AUTS2: variants seen among roughly 807,000 people sequenced by gnomAD.
The protein encoded by AUTS2 is activator of transcription and developmental regulator AUTS2.
AUTS2 carries 17 observed loss-of-function variants against 112.4 expected under a neutral mutation model. The observed-to-expected ratio is 0.15, with a 90% CI of 0.10 to 0.23. AUTS2 has a LOEUF of 0.23. Among genes scored for constraint, AUTS2 ranks in the 10% least tolerant of loss-of-function variants. The pLI is 1.00. For synonymous variants in AUTS2, 751 were observed against 702.7 expected (o/e 1.07, Z -1.09); for missense variants, 1,510 against 1,701.6 (o/e 0.89, Z 1.98).
chr7:70,691,874 A>AT (rs34314079), intron 5 of AUTS2, among the ~76,000 whole-genome samples: 17,811 of 131,746 alleles, frequency 0.14, 1,477 homozygotes, highest in African/African-American at 0.18. Context: ...ATTGATGACA[A>AT]TTTTTTTTTT....
intron 6 of AUTS2, among the ~76,000 whole-genome samples, chr7:70,749,530 C>T (rs1788670908): frequency 6.6e-6 from 1 of 152,150 alleles, no homozygotes; most frequent in African/African-American, 2.4e-5. Context: ...AAAAAAATGT[C>T]AAAGTCCTCT....
intron 3 of AUTS2, among the ~76,000 whole-genome samples, chr7:70,125,084 T>G (rs1394638461): frequency 6.6e-6 from 1 of 152,236 alleles, no homozygotes; most frequent in Non-Finnish European, 1.5e-5. Flanking sequence ...TTCTATTGGT[T>G]GTTTTTTCTC....
At chr7:70,410,975 T>C (rs377633601) in intron 4 of AUTS2, among the ~76,000 whole-genome samples, 111 of 152,042 alleles carry the variant, frequency 7.3e-4, no homozygotes, top group African/African-American at 2.6e-3. Context: ...GTGATTTTCC[T>C]GCCTCAGCCT....
chr7:69,945,946 C>T (rs1796793755), intron 2 of AUTS2, among the ~76,000 whole-genome samples: 1 of 152,146 alleles, frequency 6.6e-6, no homozygotes, highest in South Asian at 2.1e-4. Context: ...AAGCAATCTT[C>T]CCACCTCAGC....
chr7:70,588,396 G>A (rs1232470396), intron 5 of AUTS2, among the ~76,000 whole-genome samples: 4 of 152,192 alleles, frequency 2.6e-5, no homozygotes. Context: ...TGCAGCCGGT[G>A]GTTTAGCACA....
intron 5 of AUTS2, among the ~76,000 whole-genome samples, chr7:70,460,616 G>A (rs1429482566): frequency 6.6e-6 from 1 of 152,088 alleles, no homozygotes; most frequent in Admixed American, 6.5e-5. Context: ...CTCCCAAAGT[G>A]CTGGGATTAC....
At chr7:69,630,228 G>T (rs1436779439) in intron 1 of AUTS2, among the ~76,000 whole-genome samples, 1 of 152,158 alleles carries the variant, frequency 6.6e-6, no homozygotes, top group Non-Finnish European at 1.5e-5. Context: ...CTTCACTCCA[G>T]CCTAGGTGAC....
chr7:70,329,617 G>T (rs1405798169), intron 4 of AUTS2, among the ~76,000 whole-genome samples: 1 of 146,820 alleles, frequency 6.8e-6, no homozygotes, highest in Non-Finnish European at 1.5e-5. Context: ...TTTTCAATTT[G>T]GTTATTTGTC....
At chr7:70,577,410 C>A (rs57441877) in intron 5 of AUTS2, among the ~76,000 whole-genome samples, 1 of 152,128 alleles carries the variant, frequency 6.6e-6, no homozygotes, top group East Asian at 1.9e-4. Flanking sequence ...AATCCTCCCC[C>A]CTCCCTGTTA....
chr7:69,848,574 A>G (rs559167572), intron 1 of AUTS2, among the ~76,000 whole-genome samples: 1 of 152,164 alleles, frequency 6.6e-6, no homozygotes, highest in Non-Finnish European at 1.5e-5. Flanking sequence ...CCTGGGGAAC[A>G]CCTGTAACCA....
At chr7:70,178,352 G>A (rs1809107641) in intron 4 of AUTS2, among the ~76,000 whole-genome samples, 1 of 151,890 alleles carries the variant, frequency 6.6e-6, no homozygotes, top group Admixed American at 6.6e-5. Flanking sequence ...AGACACAGAG[G>A]GTTGGTTCTC....
At chr7:69,899,693 C>G (rs1017384021) in intron 2 of AUTS2, among the ~76,000 whole-genome samples, 195 bp downstream of exon 2, 4 of 152,226 alleles carry the variant, frequency 2.6e-5, no homozygotes, top group Non-Finnish European at 4.4e-5. Flanking sequence ...GGATTTGAAA[C>G]TTCAGCATGG....
intron 1 of AUTS2, among the ~76,000 whole-genome samples, chr7:69,774,441 C>A (rs1038033341): frequency 1.3e-5 from 2 of 152,084 alleles, no homozygotes; most frequent in African/African-American, 4.8e-5. Context: ...GGGATACAGT[C>A]AAAAATCTCA....
intron 2 of AUTS2, among the ~76,000 whole-genome samples, chr7:70,099,414 T>C (rs940844353): frequency 1.3e-5 from 2 of 152,182 alleles, no homozygotes; most frequent in African/African-American, 4.8e-5. Flanking sequence ...ACGTGTTGAA[T>C]TTCTTCTGTA....
intron 5 of AUTS2, among the ~76,000 whole-genome samples, chr7:70,511,739 C>A (rs909701989): frequency 2.0e-5 from 3 of 151,836 alleles, no homozygotes; most frequent in Admixed American, 2.0e-4. Flanking sequence ...CCATGCTCAG[C>A]TAATTTTTGT....
intron 5 of AUTS2, among the ~76,000 whole-genome samples, chr7:70,597,618 A>G (rs1053572851): frequency 1.3e-5 from 2 of 152,184 alleles, no homozygotes; most frequent in African/African-American, 4.8e-5. Flanking sequence ...CTTTACTATT[A>G]TGTTCTCAAG....
rs547348612 is a variant in AUTS2, at chr7:70,532,041, TGCTGGGACTTG to T, written c.690+96269_690+96279del. 1.8e-4 allele frequency among the ~76,000 whole-genome samples: 28 copies of T among 152,252 alleles called. No homozygotes were observed. The South Asian group carries it at 5.6e-3, about 31-fold the overall frequency. ...AACAGGCTGATTGGTCTGGGGATGG[TGCTGGGACTTG>T]GCTGGGACAGTTCATCTCTGCTCCA... On this transcript the variant is annotated intron_variant, in intron 5 of 18. Transcript: ENST00000342771.
intron 1 of AUTS2, among the ~76,000 whole-genome samples, chr7:69,689,353 T>G (rs2129176603): frequency 7.1e-6 from 1 of 140,464 alleles, no homozygotes; most frequent in East Asian, 2.0e-4. Flanking sequence ...ATTTTTTTTT[T>G]TTTTTTTTTT....
intron 1 of AUTS2, among the ~76,000 whole-genome samples, chr7:69,660,896 T>C (rs1236417982): frequency 6.6e-6 from 1 of 152,256 alleles, no homozygotes; most frequent in Non-Finnish European, 1.5e-5. Context: ...ATCGCGCCAC[T>C]GCACTTCAGC....
Sources: gnomAD v4.1 joint callset for allele counts (sites outside exome capture counted in the v4.1 genomes callset) on GRCh38, gnomAD v4.1.1 for gene constraint, MANE v1.5 for transcripts, NCBI Gene and HGNC (gene_info 2026-07-23, HGNC 2026-07-21) for gene names.